RFX2: variants seen among roughly 807,000 people sequenced by gnomAD.
RFX2 encodes the protein regulatory factor X2, also known as DNA-binding protein RFX2.
In RFX2, 20 loss-of-function variants were observed where a neutral mutation model predicts 87.8. That is an observed-to-expected ratio of 0.23 (90% CI 0.16 to 0.33). The LOEUF (loss-of-function observed/expected upper bound fraction) is 0.33, where lower values mean the gene tolerates loss of function less well. RFX2 is among the 10% of genes least tolerant of loss of function. RFX2 has a pLI of 1.00. For synonymous variants in RFX2, 397 were observed against 431.3 expected (o/e 0.92, Z 0.98); for missense variants, 767 against 1,012.3 (o/e 0.76, Z 3.29).
At chr19:6,085,057 C>T (rs1421540931) in intron 1 of RFX2, among the ~76,000 whole-genome samples, 2 of 152,204 alleles carry the variant, frequency 1.3e-5, no homozygotes, top group Admixed American at 1.3e-4. Flanking sequence ...GAATAGTATT[C>T]CATTGTATAG....
Position 6,012,602 on chromosome 19 carries a change from C to T in RFX2, c.899+384G>A, listed in dbSNP as rs75529060. Among the ~76,000 whole-genome samples, 671 of 151,732 alleles carry T rather than the reference C, an allele frequency of 4.4e-3. 7 individuals are homozygous for T. In the East Asian group the frequency reaches 0.071, roughly 16 times the overall value. On this transcript the variant is annotated intron_variant, in intron 8 of 17. Transcript: ENST00000303657. The surrounding 1 kb of genome is among the most constrained non-coding windows in gnomAD (Gnocchi z 4.6). ...GTGATGCTGGCTCCGCGGAGGGTCACGGGTCATGAGCAATGCACCGCTGTG... is the reference window on the plus strand; with the variant it reads ...GTGATGCTGGCTCCGCGGAGGGTCATGGGTCATGAGCAATGCACCGCTGTG...
At position 6,020,672 on chromosome 19, in the gene RFX2, G is replaced by A. The variant is rs533262519; in HGVS notation, c.598-4401C>T. The stretch of plus-strand genomic sequence containing the variant: ...GGGTCCAGCCGCTCCAACCACACTC[G>A]CCCACCTCCCCTGCTCTTGAGGGCT... On this transcript the variant is annotated intron_variant, in intron 6 of 17. Transcript: ENST00000303657. The surrounding 1 kb of genome is among the most constrained non-coding windows in gnomAD (Gnocchi z 5.3). Among the ~76,000 whole-genome samples the A allele has an allele frequency of 1.8e-4, 28 of 152,238 alleles. No individual in the cohort carries two copies. In the South Asian group the frequency reaches 5.4e-3, roughly 29 times the overall value.
Position 6,047,438 on chromosome 19 carries a change from G to T in RFX2, c.59C>A (p.Ala20Glu). 6.2e-7 allele frequency: 1 copy of T among 1,601,180 alleles called. No individual in the cohort carries two copies. The highest frequency in any genetic ancestry group is 1.1e-5 in the South Asian group (1 of 89,400). The change falls in exon 2 of 18, where the codon GCG becomes GAG. Residue 20 changes from alanine to glutamate, a missense_variant. Physicochemically the swap from Ala to Glu is moderately radical, Grantham distance 107 (BLOSUM62 -1). Coordinates refer to ENST00000303657, the MANE Select transcript of RFX2 (RefSeq NM_000635.4). This position sits in a 1 kb window ranked among gnomAD's most constrained non-coding sequence, Gnocchi z 4.2. ...GGAGGCTGGCACAGGCGGGGCTGCC[G>T]CCGAGGGACGCAGAGCCACGGACGC... ...SPASVALRPS[A>E]AAPPVPASPQ...
At chr19:6,084,134 GC>G (rs748770469) in intron 1 of RFX2, among the ~76,000 whole-genome samples, 279 of 152,238 alleles carry the variant, frequency 1.8e-3, no homozygotes, top group Non-Finnish European at 3.5e-3. Context: ...AGCAGAGTTA[GC>G]CCAGTTAAGC....
rs2086890886 is a variant in RFX2 at position 6,026,558 on chromosome 19, C to A, written c.523-321G>T. 5.3e-6 allele frequency: 2 copies of A among 377,980 alleles called. No individual in the cohort carries two copies. The highest frequency in any genetic ancestry group is 9.8e-6 in the Non-Finnish European group (2 of 204,720). 23.4% of individuals were successfully genotyped at this position (377,980 alleles called of 1,614,324 possible). ...GTGTGCACGCCGTAGCATTAATATG[C>A]AGCCACTGCATCCATTCCAGTGTCA... On this transcript the variant is annotated intron_variant, in intron 5 of 17. Transcript: ENST00000303657. This position sits in a 1 kb window ranked among gnomAD's most constrained non-coding sequence, Gnocchi z 4.5.
In RFX2 at chr19:6,010,852, C is replaced by T. The variant is rs942953718; in HGVS notation, c.900-601G>A. Among the ~76,000 whole-genome samples the T allele has an allele frequency of 1.3e-5, 2 of 152,202 alleles. No individual in the cohort carries two copies. The highest frequency in any genetic ancestry group is 2.4e-5 in the African/African-American group (1 of 41,440). On this transcript the variant is annotated intron_variant, in intron 8 of 17. Coordinates refer to ENST00000303657, the MANE Select transcript of RFX2 (RefSeq NM_000635.4). This position sits in a 1 kb window ranked among gnomAD's most constrained non-coding sequence, Gnocchi z 5.0. ...AAATTCTTGGCCGGGCGCAGGGGCTCACGCCTGTAATCCCAGTGCTTTGGG... is the reference window on the plus strand; with the variant it reads ...AAATTCTTGGCCGGGCGCAGGGGCTTACGCCTGTAATCCCAGTGCTTTGGG...
intron 1 of RFX2, among the ~76,000 whole-genome samples, chr19:6,084,126 C>A (rs1323907982): frequency 2.6e-5 from 4 of 152,150 alleles, no homozygotes; most frequent in Non-Finnish European, 5.9e-5. Flanking sequence ...GGCTCAAAAG[C>A]AGAGTTAGCC....
At chr19:6,082,684 T>G (rs1438929398) in intron 1 of RFX2, among the ~76,000 whole-genome samples, 3 of 152,162 alleles carry the variant, frequency 2.0e-5, no homozygotes, top group African/African-American at 7.2e-5. Context: ...CCGCCCACTT[T>G]GGCCTCCCAA....
chr19:6,012,852 G>A lies in RFX2; in HGVS notation c.899+134C>T, dbSNP rs572062595. On this transcript the variant is annotated intron_variant, in intron 8 of 17. Transcript: ENST00000303657. The surrounding 1 kb of genome is among the most constrained non-coding windows in gnomAD (Gnocchi z 4.6). ...TGCTAGACTCACCTCAGTCTCAGCA[G>A]AGGGGGATACCTTGGCTTTCCCAGG... is the stretch of plus-strand genomic sequence containing the variant. 1.0e-5 allele frequency: 9 copies of A among 876,222 alleles called. 1 individual carries two copies. Among genetic ancestry groups the A allele is most frequent in the Admixed American group, 6.1e-5 (2 of 33,038 alleles). 54.3% of individuals were successfully genotyped at this position (876,222 alleles called of 1,614,324 possible). A position where few individuals can be genotyped will look rare whatever the true frequency, so the allele number is the denominator to read the frequency against.
intron 1 of RFX2, among the ~76,000 whole-genome samples, chr19:6,103,053 G>C (rs184663511): frequency 3.9e-5 from 6 of 152,266 alleles, no homozygotes; most frequent in Admixed American, 2.6e-4. Context: ...AGAGATCTTA[G>C]TAGAAATAGG....
intron 1 of RFX2, among the ~76,000 whole-genome samples, chr19:6,079,009 C>A (rs1412078461): frequency 6.6e-6 from 1 of 152,262 alleles, no homozygotes; most frequent in Middle Eastern, 3.2e-3. Context: ...CTCCTGACCT[C>A]AAGAGAGCCA....
At chr19:6,060,855 C>T (rs1217182572) in intron 1 of RFX2, among the ~76,000 whole-genome samples, 2 of 152,064 alleles carry the variant, frequency 1.3e-5, no homozygotes, top group South Asian at 2.1e-4. Flanking sequence ...CCCTGTCACA[C>T]TCAATGTGGA....
At chr19:6,055,386 A>G (rs183390701) in intron 1 of RFX2, among the ~76,000 whole-genome samples, 5 of 152,338 alleles carry the variant, frequency 3.3e-5, no homozygotes, top group African/African-American at 1.2e-4. Context: ...CAAAAAAATA[A>G]TAACAACTTG....
At chr19:6,081,230 C>A (rs113352703) in intron 1 of RFX2, among the ~76,000 whole-genome samples, 3,304 of 152,188 alleles carry the variant, frequency 0.022, 70 homozygotes, top group Non-Finnish European at 0.032. Flanking sequence ...GCTTCCCGGC[C>A]GGGTATGGTG....
chr19:6,108,706 G>C (rs757353429), intron 1 of RFX2, among the ~76,000 whole-genome samples: 2 of 152,132 alleles, frequency 1.3e-5, no homozygotes, highest in South Asian at 4.2e-4. Context: ...ATGAAGCCTG[G>C]GGGGGCGGGG....
intron 1 of RFX2, among the ~76,000 whole-genome samples, chr19:6,080,562 C>T (rs1240046952): frequency 6.6e-6 from 1 of 152,040 alleles, no homozygotes; most frequent in Non-Finnish European, 1.5e-5. Flanking sequence ...GAGAGGGCTC[C>T]CCTCTTGATA....
intron 1 of RFX2, among the ~76,000 whole-genome samples, chr19:6,066,938 A>C (rs990379919): frequency 6.6e-6 from 1 of 152,114 alleles, no homozygotes; most frequent in Non-Finnish European, 1.5e-5. Context: ...TCTAAAAAAA[A>C]CCCTCTCAAA....
chr19:6,009,764 G>A (rs1484392995), intron 9 of RFX2, among the ~76,000 whole-genome samples: 1 of 152,054 alleles, frequency 6.6e-6, no homozygotes, highest in Non-Finnish European at 1.5e-5. Flanking sequence ...TAAGTTTTTA[G>A]TATGTTGCCT....
intron 9 of RFX2, 21 bp from the exon 10 acceptor site, chr19:6,008,245 C>T (rs1215051337): frequency 5.4e-6 from 8 of 1,493,736 alleles, no homozygotes; most frequent in Non-Finnish European, 9.1e-7. Context: ...AACACGGGAA[C>T]ATCAGAAATG....
Sources: allele counts gnomAD v4.1 joint callset (sites outside exome capture counted in the v4.1 genomes callset), GRCh38; gene constraint gnomAD v4.1.1; non-coding constraint Gnocchi (gnomAD v3.1); transcripts MANE v1.5; gene names NCBI Gene and HGNC (gene_info 2026-07-23, HGNC 2026-07-21).